SNTB1: variants seen among roughly 807,000 people sequenced by gnomAD.
The protein encoded by SNTB1 is syntrophin beta 1, also known as beta-1-syntrophin.
SNTB1 carries 36 observed loss-of-function variants against 48.9 expected under a neutral mutation model. The observed-to-expected ratio is 0.74, with a 90% CI of 0.56 to 0.97. The LOEUF (loss-of-function observed/expected upper bound fraction) is 0.97. SNTB1 is among the 50% of genes least tolerant of loss of function. SNTB1 has a pLI of 0.00. For synonymous variants in SNTB1, 299 were observed against 294.6 expected (o/e 1.01, Z -0.15); for missense variants, 786 against 703.4 (o/e 1.12, Z -1.33).
At chr8:120,759,250 T>C (rs1352600338) in intron 1 of SNTB1, among the ~76,000 whole-genome samples, 1 of 152,212 alleles carries the variant, frequency 6.6e-6, no homozygotes. Context: ...TTGTGGTTTA[T>C]CTTTCCTTTT....
intron 1 of SNTB1, among the ~76,000 whole-genome samples, chr8:120,757,959 A>G (rs72682550): frequency 0.013 from 2,052 of 152,300 alleles, 21 homozygotes; most frequent in Non-Finnish European, 0.023. Context: ...TGGAAAGAAA[A>G]GTAGTAACAG....
chr8:120,624,814 T>C (rs941994073), intron 3 of SNTB1, among the ~76,000 whole-genome samples: 7 of 152,270 alleles, frequency 4.6e-5, no homozygotes, highest in African/African-American at 1.7e-4. Context: ...TATCTACTTC[T>C]GAAATACAAT....
At chr8:120,796,374 C>T (rs943779704) in intron 1 of SNTB1, among the ~76,000 whole-genome samples, 2 of 151,904 alleles carry the variant, frequency 1.3e-5, no homozygotes, top group African/African-American at 4.8e-5. Context: ...GACCCTATCT[C>T]GAAATAAGAT....
chr8:120,678,462 A>G (rs746530434), intron 2 of SNTB1, among the ~76,000 whole-genome samples: 2 of 152,204 alleles, frequency 1.3e-5, no homozygotes, highest in Non-Finnish European at 2.9e-5. Flanking sequence ...TCCCTGATAC[A>G]TGGCTCTTTT....
intron 1 of SNTB1, among the ~76,000 whole-genome samples, chr8:120,696,209 A>T (rs1818207793): frequency 1.3e-5 from 2 of 152,214 alleles, no homozygotes. Context: ...TTGCATTATT[A>T]TCCTTCTGAG....
chr8:120,624,514 A>C (rs895256616), intron 3 of SNTB1, among the ~76,000 whole-genome samples: 11 of 152,192 alleles, frequency 7.2e-5, no homozygotes, highest in African/African-American at 2.7e-4. Flanking sequence ...TCATCTCTTA[A>C]AGGTCCCATC....
intron 3 of SNTB1, among the ~76,000 whole-genome samples, chr8:120,605,574 G>A (rs1816500413): frequency 6.6e-6 from 1 of 152,094 alleles, no homozygotes; most frequent in African/African-American, 2.4e-5. Context: ...CTGTGTATTA[G>A]TGACTCCTGC....
chr8:120,786,952 C>T (rs530693264), intron 1 of SNTB1, among the ~76,000 whole-genome samples: 90 of 152,238 alleles, frequency 5.9e-4, no homozygotes, highest in African/African-American at 2.0e-3. Flanking sequence ...AGGGAAAAAA[C>T]GTTTTTTAAA....
chr8:120,547,301 A>T (rs74948866), intron 5 of SNTB1, among the ~76,000 whole-genome samples: 4,012 of 152,266 alleles, frequency 0.026, 79 homozygotes, highest in African/African-American at 0.051. Context: ...ACCCATAAAA[A>T]GTTTGTTTTT....
chr8:120,613,280 G>A (rs1816654938), intron 3 of SNTB1, among the ~76,000 whole-genome samples: 1 of 152,164 alleles, frequency 6.6e-6, no homozygotes, highest in Non-Finnish European at 1.5e-5. Flanking sequence ...GAACCCAGGA[G>A]GTGGAGGCTG....
intron 2 of SNTB1, among the ~76,000 whole-genome samples, chr8:120,673,521 C>A (rs924844700): frequency 6.6e-6 from 1 of 152,184 alleles, no homozygotes; most frequent in Admixed American, 6.5e-5. Flanking sequence ...AAGCTCCTGA[C>A]CTCAGGTGAT....
intron 1 of SNTB1, among the ~76,000 whole-genome samples, chr8:120,774,515 C>T (rs538351129): frequency 2.2e-4 from 33 of 151,908 alleles, no homozygotes; most frequent in Non-Finnish European, 3.8e-4. Context: ...TAATTGGATT[C>T]GTTTAGGTGG....
At chr8:120,631,000 T>C (rs972595663) in intron 3 of SNTB1, among the ~76,000 whole-genome samples, 7 of 152,204 alleles carry the variant, frequency 4.6e-5, no homozygotes, top group Non-Finnish European at 8.8e-5. Flanking sequence ...TTTAAGTCCC[T>C]GGATCCCACC....
chr8:120,605,155 C>T (rs1042380035), intron 3 of SNTB1, among the ~76,000 whole-genome samples: 1 of 152,194 alleles, frequency 6.6e-6, no homozygotes, highest in Non-Finnish European at 1.5e-5. Context: ...AAGCTTCCTT[C>T]CACTTTAATA....
At chr8:120,624,052 C>A (rs1816834109) in intron 3 of SNTB1, among the ~76,000 whole-genome samples, 2 of 152,180 alleles carry the variant, frequency 1.3e-5, no homozygotes, top group African/African-American at 4.8e-5. Flanking sequence ...ATGCTCCTGC[C>A]TCAGCCTCTT....
At chr8:120,784,639 T>C (rs1259692311) in intron 1 of SNTB1, among the ~76,000 whole-genome samples, 1 of 152,166 alleles carries the variant, frequency 6.6e-6, no homozygotes, top group African/African-American at 2.4e-5. Flanking sequence ...TGGAATGCTG[T>C]GGAAAAATGA....
intron 5 of SNTB1, among the ~76,000 whole-genome samples, chr8:120,542,670 T>A (rs564287748): frequency 7.9e-5 from 12 of 151,546 alleles, no homozygotes; most frequent in African/African-American, 1.2e-4. Context: ...AATTTTTTTT[T>A]AAATAAATAA....
intron 1 of SNTB1, among the ~76,000 whole-genome samples, chr8:120,722,218 G>A (rs1258137040): frequency 1.3e-5 from 2 of 152,186 alleles, no homozygotes; most frequent in Non-Finnish European, 2.9e-5. Flanking sequence ...GTGCACATGT[G>A]TCTTTATAGT....
At chr8:120,648,957 A>T (rs1378776381) in intron 2 of SNTB1, among the ~76,000 whole-genome samples, 1 of 151,066 alleles carries the variant, frequency 6.6e-6, no homozygotes, top group Non-Finnish European at 1.5e-5. Context: ...AGTTGATCGC[A>T]TCGGCTCCTG....
Sources: gnomAD v4.1 joint callset for allele counts (sites outside exome capture counted in the v4.1 genomes callset) on GRCh38, gnomAD v4.1.1 for gene constraint, MANE v1.5 for transcripts, NCBI Gene and HGNC (gene_info 2026-07-23, HGNC 2026-07-21) for gene names.